Variants in PTPN14 observed in about 807,000 individuals in gnomAD.
PTPN14 encodes protein tyrosine phosphatase non-receptor type 14, also known as tyrosine-protein phosphatase non-receptor type 14.
In PTPN14, 53 loss-of-function variants were observed where a neutral mutation model predicts 126.8. The observed-to-expected ratio is 0.42, with a 90% CI of 0.34 to 0.53. PTPN14 has a LOEUF of 0.53. Among genes scored for constraint, PTPN14 ranks in the 20% least tolerant of loss-of-function variants. The probability of loss-of-function intolerance (pLI) is 0.08; values close to 1 mark genes in which losing one functional copy is unlikely to be tolerated. For missense variants in PTPN14, 1,257 were observed against 1,552.9 expected (o/e 0.81, Z 3.20); for synonymous variants, 630 against 599.3 (o/e 1.05, Z -0.75).
intron 1 of PTPN14, among the ~76,000 whole-genome samples, chr1:214,480,172 C>T (rs1174041161): frequency 6.6e-6 from 1 of 152,204 alleles, no homozygotes; most frequent in African/African-American, 2.4e-5. Context: ...TTCTTCAAGA[C>T]TGTTATTGAG....
At chr1:214,376,768 C>T (rs1658352165) in intron 14 of PTPN14, among the ~76,000 whole-genome samples, 1 of 152,128 alleles carries the variant, frequency 6.6e-6, no homozygotes, top group South Asian at 2.1e-4. Context: ...CTTTCCTCCA[C>T]CTATATAGCT....
chr1:214,374,890 TA>T (rs1282119448), intron 15 of PTPN14, among the ~76,000 whole-genome samples: 2 of 152,212 alleles, frequency 1.3e-5, no homozygotes, highest in African/African-American at 4.8e-5. Flanking sequence ...TATTTCTATG[TA>T]AGATTTTCAT....
At chr1:214,428,855 T>TA (rs1659735582) in intron 3 of PTPN14, among the ~76,000 whole-genome samples, 1 of 152,180 alleles carries the variant, frequency 6.6e-6, no homozygotes, top group Non-Finnish European at 1.5e-5. Flanking sequence ...TTTGTAACTT[T>TA]AAAAATGGTC....
chr1:214,462,167 T>C (rs1308414321), intron 2 of PTPN14, among the ~76,000 whole-genome samples: 2 of 152,100 alleles, frequency 1.3e-5, no homozygotes, highest in African/African-American at 4.8e-5. Flanking sequence ...CATTAGGACG[T>C]GTCAAAATAA....
At chr1:214,363,845 T>C (rs59502807) in intron 18 of PTPN14, among the ~76,000 whole-genome samples, 8,449 of 152,200 alleles carry the variant, frequency 0.056, 531 homozygotes, top group African/African-American at 0.15. Flanking sequence ...TACACAAAAT[T>C]GAAAGTCTCT....
chr1:214,481,973 CGA>C (rs1379974656), intron 1 of PTPN14, among the ~76,000 whole-genome samples: 1 of 146,092 alleles, frequency 6.8e-6, no homozygotes, highest in Non-Finnish European at 1.5e-5. Flanking sequence ...GGTGACAGAG[CGA>C]GAGTCTGTCT....
intron 8 of PTPN14, among the ~76,000 whole-genome samples, chr1:214,397,494 C>T (rs568081823): frequency 5.9e-4 from 90 of 152,304 alleles, no homozygotes; most frequent in Middle Eastern, 3.4e-3. Flanking sequence ...CCCCCTAATT[C>T]ATCATAATAA....
Position 214,383,854 on chromosome 1 carries a change from G to A in PTPN14, c.2001C>T (p.Arg667=), listed in dbSNP as rs1275610025. The A allele has an allele frequency of 1.2e-6, 2 of 1,612,556 alleles. No individual in the cohort carries two copies. The highest frequency in any genetic ancestry group is 2.7e-5 in the African/African-American group (2 of 74,948). Residue 667 remains arginine (R), a synonymous_variant, in exon 13 of 19, where the codon CGC becomes CGT. Transcript: ENST00000366956. The surrounding 1 kb of genome is among the most constrained non-coding windows in gnomAD (Gnocchi z 4.4). The part of the protein sequence containing the change: ...TLKSLHLPMA[R]RNTLREQGPP... ...GTCCCTGCTCCCGGAGCGTGTTGCG[G>A]CGAGCCATGGGGAGGTGGAGCGACT...
chr1:214,429,614 A>C (rs535895829), intron 3 of PTPN14, among the ~76,000 whole-genome samples: 1 of 152,344 alleles, frequency 6.6e-6, no homozygotes, highest in African/African-American at 2.4e-5. Context: ...TGCTCAGTAA[A>C]TATTTATTTT....
At chr1:214,550,680 A>G (rs1240492542) in intron 1 of PTPN14, among the ~76,000 whole-genome samples, 2 of 152,034 alleles carry the variant, frequency 1.3e-5, no homozygotes, top group East Asian at 3.9e-4. Flanking sequence ...GTTCGGTGGC[A>G]CCACTGGGGC....
intron 1 of PTPN14, among the ~76,000 whole-genome samples, chr1:214,518,044 T>G (rs1474321855): frequency 6.6e-6 from 1 of 152,174 alleles, no homozygotes; most frequent in Non-Finnish European, 1.5e-5. Flanking sequence ...GAAGGAACAA[T>G]GCGTTGGTAT....
At chr1:214,435,870 C>T (rs1221662575) in intron 3 of PTPN14, among the ~76,000 whole-genome samples, 1 of 152,100 alleles carries the variant, frequency 6.6e-6, no homozygotes, top group Admixed American at 6.6e-5. Flanking sequence ...AATTTCCATT[C>T]GACCCAGCAA....
At chr1:214,412,830 T>A (rs1414123756) in intron 4 of PTPN14, among the ~76,000 whole-genome samples, 4 of 152,164 alleles carry the variant, frequency 2.6e-5, no homozygotes, top group Non-Finnish European at 5.9e-5. Flanking sequence ...GATTGAGTAG[T>A]GAGAGGAAAG....
At chr1:214,542,601 G>A (rs1571660171) in intron 1 of PTPN14, among the ~76,000 whole-genome samples, 1 of 152,200 alleles carries the variant, frequency 6.6e-6, no homozygotes, top group Non-Finnish European at 1.5e-5. Context: ...AATGGCAAGA[G>A]GGCCTGACCC....
At chr1:214,547,656 A>G (rs1656005084) in intron 1 of PTPN14, among the ~76,000 whole-genome samples, 1 of 152,258 alleles carries the variant, frequency 6.6e-6, no homozygotes. Flanking sequence ...AAAGGCAGAC[A>G]GAGTTATCCT....
At chr1:214,446,498 A>G (rs1196328192) in intron 3 of PTPN14, among the ~76,000 whole-genome samples, 3 of 152,136 alleles carry the variant, frequency 2.0e-5, no homozygotes, top group Non-Finnish European at 4.4e-5. Context: ...GTGCCTCCTA[A>G]TTTTCTAATT....
intron 3 of PTPN14, among the ~76,000 whole-genome samples, chr1:214,419,687 A>G (rs1659500776): frequency 6.6e-6 from 1 of 152,150 alleles, no homozygotes. Flanking sequence ...ACTATAAAAG[A>G]CAAAAAAAAG....
intron 8 of PTPN14, among the ~76,000 whole-genome samples, chr1:214,396,743 T>C (rs746941593): frequency 2.6e-5 from 4 of 152,230 alleles, no homozygotes; most frequent in African/African-American, 4.8e-5. Context: ...TTCACTTCAG[T>C]AGCTGGTGTG....
intron 1 of PTPN14, among the ~76,000 whole-genome samples, chr1:214,473,503 A>G (rs1209757200): frequency 1.3e-5 from 2 of 152,228 alleles, no homozygotes; most frequent in East Asian, 3.8e-4. Flanking sequence ...GCTAACTGCT[A>G]TTCAATTGCA....
Sources: gnomAD v4.1 joint callset for allele counts (sites outside exome capture counted in the v4.1 genomes callset) on GRCh38, gnomAD v4.1.1 for gene constraint, Gnocchi (gnomAD v3.1) non-coding constraint, MANE v1.5 for transcripts, NCBI Gene and HGNC (gene_info 2026-07-23, HGNC 2026-07-21) for gene names.